Variants in NKIRAS1 observed in about 807,000 individuals in gnomAD.
The protein encoded by NKIRAS1 is NFKB inhibitor interacting Ras like 1, also known as NF-kappa-B inhibitor-interacting Ras-like protein 1.
Under a neutral mutation model 19.8 loss-of-function variants are expected in NKIRAS1, and 16 were observed. The observed-to-expected ratio is 0.81, with a 90% CI of 0.55 to 1.23. The LOEUF is 1.23. NKIRAS1 is among the 50% of genes most tolerant of loss of function. The pLI is 0.00. For missense variants in NKIRAS1, 184 were observed against 220.0 expected (o/e 0.84, Z 1.04); for synonymous variants, 88 against 79.0 (o/e 1.11, Z -0.61).
At chr3:23,904,125 A>G (rs1257271452) in intron 3 of NKIRAS1, among the ~76,000 whole-genome samples, 1 of 152,206 alleles carries the variant, frequency 6.6e-6, no homozygotes, top group African/African-American at 2.4e-5. Context: ...AGATCGTGCC[A>G]CTGCACTCCA....
upstream of NKIRAS1, chr3:23,920,941 T>C (rs774160386): frequency 5.7e-6 from 1 of 175,774 alleles, no homozygotes; most frequent in Non-Finnish European, 1.1e-5. Flanking sequence ...AAAATGTGAT[T>C]ATAGAAATAA....
rs1701584899 is a variant in NKIRAS1, at chr3:23,892,978, T to C, written c.*117A>G. The C allele has an allele frequency of 1.8e-6, 2 of 1,109,866 alleles. No individual in the cohort carries two copies. Among genetic ancestry groups the C allele is most frequent in the Non-Finnish European group, 2.4e-6 (2 of 818,126 alleles). 68.8% of individuals were successfully genotyped at this position (1,109,866 alleles called of 1,614,324 possible). On this transcript the variant is annotated 3_prime_UTR_variant, in exon 5 of 5. Transcript: ENST00000425478. ...GCATTAATTGACTTCCTTAGGAATT[T>C]TCCTAAGGACCAAAGGTAGATACAA...
At position 23,892,589 on chromosome 3, in the gene NKIRAS1, A is replaced by G. The variant is rs1482080430; in HGVS notation, c.*506T>C. 1.3e-5 allele frequency: 2 copies of G among 152,282 alleles called. No individual in the cohort carries two copies. The highest frequency in any genetic ancestry group is 6.5e-5 in the Admixed American group (1 of 15,290). 9.4% of individuals were successfully genotyped at this position (152,282 alleles called of 1,614,324 possible). ...TGTTTAGCAAAATCTCCACAAGATG[A>G]AATTTAGCTTACTACCCCAAACTGT... On this transcript the variant is annotated 3_prime_UTR_variant, in exon 5 of 5. Transcript: ENST00000425478.
In NKIRAS1 at chr3:23,944,571, G is replaced by T. The variant is rs1705577864; in HGVS notation, c.-140+1752C>A. On this transcript the variant is annotated intron_variant, in intron 1 of 4. Coordinates refer to the NKIRAS1 transcript ENST00000421515. ...ATTCAAGGTGAAACGCCCAGATCTT[G>T]ACTGCACATTAGCTGAGTTCGGACA... Among the ~76,000 whole-genome samples, 3 of 152,108 alleles carry T rather than the reference G, an allele frequency of 2.0e-5. No individual in the cohort carries two copies. The South Asian group carries it at 6.2e-4, about 31-fold the overall frequency.
At chr3:23,896,680 A>G (rs1242873532) in intron 4 of NKIRAS1, among the ~76,000 whole-genome samples, 1 of 151,308 alleles carries the variant, frequency 6.6e-6, no homozygotes, top group Non-Finnish European at 1.5e-5. Flanking sequence ...AGAAAAAAAA[A>G]CAGGGGTGGG....
At chr3:23,942,210 C>T (rs529767372) in intron 1 of NKIRAS1, among the ~76,000 whole-genome samples, 1 of 152,048 alleles carries the variant, frequency 6.6e-6, no homozygotes, top group East Asian at 1.9e-4. Flanking sequence ...AACTCCTGGC[C>T]TCAAGAGATC....
chr3:23,933,026 A>C (rs1226501570), intron 1 of NKIRAS1, among the ~76,000 whole-genome samples: 1 of 152,160 alleles, frequency 6.6e-6, no homozygotes, highest in Admixed American at 6.5e-5. Flanking sequence ...CTTCAGGCCT[A>C]ATGTAATCAC....
chr3:23,921,845 G>C (rs1040891825), upstream of NKIRAS1: 6 of 522,466 alleles, frequency 1.1e-5, no homozygotes, highest in African/African-American at 1.2e-4. Flanking sequence ...AAAGTGCTGG[G>C]ATTACAGGCG....
chr3:23,903,202 C>A (rs1401764251), intron 3 of NKIRAS1, among the ~76,000 whole-genome samples: 1 of 152,190 alleles, frequency 6.6e-6, no homozygotes, highest in African/African-American at 2.4e-5. Context: ...CAGCCTCAAC[C>A]TCCTGGGCTC....
upstream of NKIRAS1, chr3:23,918,118 G>A: frequency 1.3e-6 from 2 of 1,487,284 alleles, no homozygotes; most frequent in Non-Finnish European, 1.8e-6. Flanking sequence ...TGCTGCCTCA[G>A]TGTCTTTCTT....
intron 3 of NKIRAS1, among the ~76,000 whole-genome samples, chr3:23,902,532 A>AT (rs1433110653): frequency 3.3e-5 from 5 of 152,234 alleles, no homozygotes; most frequent in African/African-American, 1.2e-4. Context: ...TTACAAATTA[A>AT]TTTAAAAGCA....
At chr3:23,930,039 G>C (rs1342432847) in intron 1 of NKIRAS1, among the ~76,000 whole-genome samples, 1 of 152,072 alleles carries the variant, frequency 6.6e-6, no homozygotes, top group Non-Finnish European at 1.5e-5. Flanking sequence ...TAGAAAGGCA[G>C]GTCAAATTAT....
chr3:23,909,769 T>C (rs1703465172), intron 3 of NKIRAS1, among the ~76,000 whole-genome samples: 2 of 152,164 alleles, frequency 1.3e-5, no homozygotes, highest in African/African-American at 2.4e-5. Context: ...GGTAGCCCAA[T>C]TCACAAAATT....
intron 1 of NKIRAS1, among the ~76,000 whole-genome samples, chr3:23,944,203 C>A (rs1285955277): frequency 6.6e-6 from 1 of 152,166 alleles, no homozygotes; most frequent in African/African-American, 2.4e-5. Flanking sequence ...TTGCTGGCTT[C>A]AGGAACTTGC....
chr3:23,893,850 T>TAAA (rs11381471), intron 4 of NKIRAS1, among the ~76,000 whole-genome samples: 5 of 134,706 alleles, frequency 3.7e-5, no homozygotes, highest in African/African-American at 8.3e-5. Flanking sequence ...TTGCTAACTG[T>TAAA]AAAAAAAAAA....
At position 23,890,468 on chromosome 3, in the gene NKIRAS1, C is replaced by T; in HGVS notation, c.*2627G>A. The stretch of plus-strand genomic sequence containing the variant: ...ACTATTCGCTAAAGTTTAAAATGTT[C>T]TTTTCCTTTCTCCAAAGTAATCTAC... On this transcript the variant is annotated 3_prime_UTR_variant, in exon 5 of 5. Transcript: ENST00000425478. The T allele has an allele frequency of 1.3e-6, 2 of 1,589,198 alleles. No individual in the cohort carries two copies. Among genetic ancestry groups the T allele is most frequent in the Non-Finnish European group, 1.7e-6 (2 of 1,166,806 alleles).
chr3:23,927,368 T>G lies in NKIRAS1; in HGVS notation c.-139-15918A>C, dbSNP rs1705228570. Among the ~76,000 whole-genome samples, 1 of 151,882 alleles carries G rather than the reference T, an allele frequency of 6.6e-6. No individual in the cohort carries two copies. The highest frequency in any genetic ancestry group is 1.5e-5 in the Non-Finnish European group (1 of 67,972). On this transcript the variant is annotated intron_variant, in intron 1 of 4. Coordinates refer to the NKIRAS1 transcript ENST00000421515. This position sits in a 1 kb window ranked among gnomAD's most constrained non-coding sequence, Gnocchi z 4.0. ...GGCCCCCATCTCTATATTTCTTAGT[T>G]GAGGAAAGAAAAAAAAACCTACTGC...
intron 1 of NKIRAS1, chr3:23,946,047 T>G: frequency 2.1e-6 from 2 of 953,274 alleles, no homozygotes; most frequent in Non-Finnish European, 2.5e-6. Flanking sequence ...GCGCGCGCGC[T>G]GGCTGGGAGC....
chr3:23,907,499 C>T (rs769068723), intron 3 of NKIRAS1, among the ~76,000 whole-genome samples: 5 of 152,218 alleles, frequency 3.3e-5, no homozygotes, highest in African/African-American at 9.6e-5. Flanking sequence ...GGTCTCCTTT[C>T]AGGGGACCCA....
Sources: gnomAD v4.1 joint callset for allele counts (sites outside exome capture counted in the v4.1 genomes callset) on GRCh38, gnomAD v4.1.1 for gene constraint, Gnocchi (gnomAD v3.1) non-coding constraint, MANE v1.5 for transcripts, NCBI Gene and HGNC (gene_info 2026-07-23, HGNC 2026-07-21) for gene names.